The following RASA2 variants were observed in gnomAD, a reference collection of about 807,000 sequenced individuals.
RASA2 encodes the protein ras GTPase-activating protein 2.
RASA2 carries 155 observed loss-of-function variants against 118.2 expected under a neutral mutation model. That is an observed-to-expected ratio of 1.31 (90% CI 1.15 to 1.50). RASA2 has a LOEUF of 1.50. RASA2 is among the 40% of genes most tolerant of loss of function. The pLI is 0.00. For synonymous variants in RASA2, 353 were observed against 349.1 expected (o/e 1.01, Z -0.12); for missense variants, 1,016 against 1,009.6 (o/e 1.01, Z -0.09).
chr3:141,585,899 T>C (rs962471905), intron 17 of RASA2, 126 bp from the exon 18 acceptor site: 10 of 568,300 alleles, frequency 1.8e-5, no homozygotes, highest in Non-Finnish European at 2.6e-5. Flanking sequence ...GTTTTATAAA[T>C]TACTATTATG....
intron 4 of RASA2, 37 bp downstream of exon 4, chr3:141,529,839 A>G: frequency 6.9e-7 from 1 of 1,458,944 alleles, no homozygotes; most frequent in Non-Finnish European, 9.5e-7. Flanking sequence ...AGAGATTGTC[A>G]CAGGAAATGA....
intron 3 of RASA2, among the ~76,000 whole-genome samples, chr3:141,518,871 T>A (rs2082070162): frequency 6.6e-6 from 1 of 152,204 alleles, no homozygotes; most frequent in Non-Finnish European, 1.5e-5. Flanking sequence ...TTTTTCCTTT[T>A]CAATTAATAC....
chr3:141,598,550 A>G (rs1178984455), intron 19 of RASA2, among the ~76,000 whole-genome samples: 6 of 152,222 alleles, frequency 3.9e-5, no homozygotes, highest in Non-Finnish European at 8.8e-5. Context: ...ATTTTAGCCA[A>G]TGCAGTAAGA....
In RASA2 at chr3:141,559,895, A is replaced by G. The variant is rs144362924; in HGVS notation, c.763A>G (p.Ile255Val). 3 of 1,612,588 alleles carry G rather than the reference A, an allele frequency of 1.9e-6. No individual in the cohort carries two copies. Among genetic ancestry groups the G allele is most frequent in the African/African-American group, 2.7e-5 (2 of 74,878 alleles). The part of the protein sequence containing the change: ...EEDIEKLEIR[I>V]DLWNNGNLVQ... ...ATAAAGCCAGTTTTCAATTTTCAGG[A>G]TCGACTTGTGGAACAATGGAAACCT... Residue 255 changes from isoleucine (I) to valine (V), a missense_variant and splice_region_variant, in exon 9 of 24, where the codon ATC (isoleucine) becomes GTC (valine). By Grantham distance (29) the Ile-to-Val change is conservative (BLOSUM62 3). This residue lies in a region of RASA2 where 896 missense variants were observed against 836.4 expected (regional missense o/e 1.07). Coordinates refer to ENST00000286364, the MANE Select transcript of RASA2 (RefSeq NM_006506.5).
intron 9 of RASA2, 139 bp from the exon 10 acceptor site, chr3:141,570,773 C>T: frequency 4.4e-6 from 3 of 688,948 alleles, no homozygotes; most frequent in Non-Finnish European, 7.0e-6. Context: ...AGATGAGTAT[C>T]CTGCTACTTA....
At chr3:141,611,844 T>C (rs540913864) in intron 23 of RASA2, among the ~76,000 whole-genome samples, 1 of 152,170 alleles carries the variant, frequency 6.6e-6, no homozygotes, top group East Asian at 1.9e-4. Flanking sequence ...TTGGTTCTCT[T>C]CCAACAGTAG....
rs553984211 is a variant in RASA2 at position 141,516,049 on chromosome 3, TGTG to T, written c.252-277_252-275del. 0.028 allele frequency among the ~76,000 whole-genome samples: 2,765 copies of T among 100,494 alleles called. 91 individuals are homozygous for T. Among genetic ancestry groups the T allele is most frequent in the African/African-American group, 0.098 (2,581 of 26,356 alleles). 65.9% of individuals were successfully genotyped at this position (100,494 alleles called of 152,430 possible). A position where few individuals can be genotyped will look rare whatever the true frequency, so the allele number is the denominator to read the frequency against. On this transcript the variant is annotated intron_variant, in intron 2 of 23. Transcript: ENST00000286364. ...GGGAGCATCACACACTGGGGCCTGT[TGTG>T]GGGTGGGGGGAGGGGGGAGGGATAG... is the stretch of plus-strand genomic sequence containing the variant.
At chr3:141,543,001 T>C (rs1296976767) in intron 5 of RASA2, among the ~76,000 whole-genome samples, 2 of 152,064 alleles carry the variant, frequency 1.3e-5, no homozygotes, top group East Asian at 3.8e-4. Flanking sequence ...AATCTCTGTC[T>C]TTTTTTGGTG....
intron 19 of RASA2, among the ~76,000 whole-genome samples, chr3:141,599,735 G>T (rs977299261): frequency 2.1e-5 from 3 of 140,590 alleles, no homozygotes; most frequent in Non-Finnish European, 5.0e-5. Context: ...TTCAATTTGT[G>T]AACCATAGCC....
At chr3:141,558,767 A>T in intron 7 of RASA2, 119 bp from the exon 8 acceptor site, 2 of 787,178 alleles carry the variant, frequency 2.5e-6, no homozygotes, top group South Asian at 1.7e-5. Flanking sequence ...GTAAAATATT[A>T]CTTGGACATT....
chr3:141,518,790 A>G (rs2082069112), intron 3 of RASA2, among the ~76,000 whole-genome samples: 1 of 152,132 alleles, frequency 6.6e-6, no homozygotes. Flanking sequence ...AGAAATAACT[A>G]CAGTTAATAA....
intron 5 of RASA2, among the ~76,000 whole-genome samples, chr3:141,547,846 G>A (rs1305924107): frequency 6.6e-6 from 1 of 152,072 alleles, no homozygotes; most frequent in Non-Finnish European, 1.5e-5. Flanking sequence ...TTATTGTGTT[G>A]AGGTTTGATC....
At chr3:141,600,427 C>T (rs556558642) in intron 19 of RASA2, 1 of 431,670 alleles carries the variant, frequency 2.3e-6, no homozygotes, top group Admixed American at 2.7e-5. Flanking sequence ...ACCTGCAGCC[C>T]CCGACCACAT....
intron 4 of RASA2, among the ~76,000 whole-genome samples, chr3:141,539,674 T>C (rs1353736122): frequency 1.3e-5 from 2 of 152,178 alleles, no homozygotes; most frequent in African/African-American, 4.8e-5. Context: ...AGGGAGGTAA[T>C]CCAGTACTGT....
At chr3:141,513,226 T>C (rs2081978997) in intron 2 of RASA2, among the ~76,000 whole-genome samples, 1 of 151,554 alleles carries the variant, frequency 6.6e-6, no homozygotes, top group Admixed American at 6.6e-5. Context: ...TAAAAAAATA[T>C]CTTTCTTTTA....
At chr3:141,558,708 C>T (rs2082685188) in intron 7 of RASA2, among the ~76,000 whole-genome samples, 178 bp from the exon 8 acceptor site, 1 of 151,824 alleles carries the variant, frequency 6.6e-6, no homozygotes, top group Admixed American at 6.6e-5. Context: ...TTTACACTAC[C>T]TTATTCTTTT....
intron 19 of RASA2, among the ~76,000 whole-genome samples, chr3:141,598,918 C>G (rs2083417221): frequency 6.6e-6 from 1 of 151,952 alleles, no homozygotes; most frequent in African/African-American, 2.4e-5. Context: ...AACTTCGTCT[C>G]TACTAAAAAA....
intron 17 of RASA2, 116 bp from the exon 18 acceptor site, chr3:141,585,909 G>T (rs1577790885): frequency 1.5e-6 from 1 of 648,690 alleles, no homozygotes; most frequent in Non-Finnish European, 2.5e-6. Context: ...TTACTATTAT[G>T]TGTATTCATT....
Position 141,553,767 on chromosome 3 carries a change from C to A in RASA2, c.528-90C>A. On this transcript the variant is annotated intron_variant, in intron 5 of 23. Coordinates refer to ENST00000286364, the MANE Select transcript of RASA2 (RefSeq NM_006506.5). ...AGACACATGGAAAACAATTCTTAAC[C>A]TTTTGAATGTATTAGTTTGTGTTTA... is the stretch of plus-strand genomic sequence containing the variant. The A allele has an allele frequency of 2.6e-6, 4 of 1,521,556 alleles. No homozygotes were observed. In the South Asian group the frequency reaches 5.3e-5, roughly 20 times the overall value. 94.3% of individuals were successfully genotyped at this position (1,521,556 alleles called of 1,614,324 possible).
Sources: allele counts gnomAD v4.1 joint callset (sites outside exome capture counted in the v4.1 genomes callset), GRCh38; gene constraint gnomAD v4.1.1; regional missense constraint gnomAD v4.1.1; transcripts MANE v1.5; gene names NCBI Gene and HGNC (gene_info 2026-07-23, HGNC 2026-07-21).